The following PXDN variants were observed in gnomAD, a reference collection of about 807,000 sequenced individuals.
PXDN encodes peroxidasin homolog.
Under a neutral mutation model 140.3 loss-of-function variants are expected in PXDN, and 77 were observed. That is an observed-to-expected ratio of 0.55 (90% CI 0.46 to 0.66). The LOEUF is 0.66. Ranked by LOEUF, PXDN falls within the 30% of genes least tolerant of loss-of-function variation. The pLI is 0.00. For missense variants in PXDN, 1,838 were observed against 2,039.5 expected, an observed-to-expected ratio of 0.90 and a Z score of 1.90; for synonymous variants, 911 against 857.4, an observed-to-expected ratio of 1.06 and a Z score of -1.09.
intron 6 of PXDN, among the ~76,000 whole-genome samples, chr2:1,681,334 A>C (rs1433919900): frequency 1.3e-5 from 2 of 151,644 alleles, no homozygotes; most frequent in East Asian, 3.9e-4. Context: ...TTTGCCCAAT[A>C]AATCCCATTT....
Position 1,684,275 on chromosome 2 carries a change from CT to C in PXDN, c.417-125del, listed in dbSNP as rs1275146251. 18 of 716,748 alleles carry C rather than the reference CT, an allele frequency of 2.5e-5. No homozygotes were observed. In the African/African-American group the frequency reaches 3.2e-4, roughly 13 times the overall value. The allele number at this position is 716,748 out of a possible 1,614,324, so 44.4% of individuals were successfully genotyped here. ...ATCAATAGATAGCTCACTCACTAGA[CT>C]TCCTACATTGTATGAACAATACATA... is the stretch of plus-strand genomic sequence containing the variant. On this transcript the variant is annotated intron_variant, in intron 4 of 22. Transcript: ENST00000252804.
intron 1 of PXDN, among the ~76,000 whole-genome samples, chr2:1,717,514 A>C (rs1297743726): frequency 6.6e-6 from 1 of 152,180 alleles, no homozygotes; most frequent in Non-Finnish European, 1.5e-5. Context: ...ACAAAAGAAA[A>C]ACTTGCAACA....
Position 1,714,760 on chromosome 2 carries a change from A to G in PXDN, c.201-21626T>C, listed in dbSNP as rs1270328201. Among the ~76,000 whole-genome samples, 2 of 152,154 alleles carry G rather than the reference A, an allele frequency of 1.3e-5. No individual in the cohort carries two copies. The highest frequency in any genetic ancestry group is 1.3e-4 in the Admixed American group (2 of 15,270). ...ATTTACTCTTCTTTTGATTTTTTTCAGACATTTAGAAATGCAAAGTGCATA... is the reference window on the plus strand; with the variant it reads ...ATTTACTCTTCTTTTGATTTTTTTCGGACATTTAGAAATGCAAAGTGCATA... On this transcript the variant is annotated intron_variant, in intron 1 of 22. Transcript: ENST00000252804. This position sits in a 1 kb window ranked among gnomAD's most constrained non-coding sequence, Gnocchi z 4.3.
chr2:1,744,114 T>C, intron 1 of PXDN, 142 bp downstream of exon 1: 1 of 913,742 alleles, frequency 1.1e-6, no homozygotes, highest in Non-Finnish European at 1.5e-6. Context: ...GGAGGTTCCC[T>C]TCTGCGTCCC....
chr2:1,716,290 T>G (rs2125474754), intron 1 of PXDN, among the ~76,000 whole-genome samples: 1 of 151,770 alleles, frequency 6.6e-6, no homozygotes, highest in Admixed American at 6.6e-5. Context: ...ATACAAAAAT[T>G]AGCTGGGCAT....
At chr2:1,731,774 G>A (rs568474919) in intron 1 of PXDN, among the ~76,000 whole-genome samples, 1 of 152,294 alleles carries the variant, frequency 6.6e-6, no homozygotes, top group African/African-American at 2.4e-5. Flanking sequence ...ACATTTGCAC[G>A]GGGTTTTGTG....
chr2:1,647,959 G>A (rs1006473478), intron 17 of PXDN, among the ~76,000 whole-genome samples: 5 of 152,036 alleles, frequency 3.3e-5, no homozygotes, highest in African/African-American at 1.2e-4. Flanking sequence ...GCCCTCCACC[G>A]TCCATCCACC....
In PXDN at chr2:1,713,855, T is replaced by A. The variant is rs980310689; in HGVS notation, c.201-20721A>T. 2.0e-5 allele frequency among the ~76,000 whole-genome samples: 3 copies of A among 152,348 alleles called. No individual in the cohort carries two copies. The South Asian group carries it at 6.2e-4, about 32-fold the overall frequency. ...GTCCTGGGGTGTTCACTGACCCCATTTTTTTGGTATTGCTTAAAAAGAGAC... is the reference window on the plus strand; with the variant it reads ...GTCCTGGGGTGTTCACTGACCCCATATTTTTGGTATTGCTTAAAAAGAGAC... On this transcript the variant is annotated intron_variant, in intron 1 of 22. Transcript: ENST00000252804.
In PXDN at chr2:1,632,190, C is replaced by T. The variant is rs551699341; in HGVS notation, c.*2014G>A. On this transcript the variant is annotated 3_prime_UTR_variant, in exon 23 of 23. Transcript: ENST00000252804. The surrounding 1 kb of genome is among the most constrained non-coding windows in gnomAD (Gnocchi z 4.3). ...TTTGGTAAATCACAGTCAGCTTCCCCCTTTGGCTTAGACAACACAATTCCT... is the reference window on the plus strand; with the variant it reads ...TTTGGTAAATCACAGTCAGCTTCCCTCTTTGGCTTAGACAACACAATTCCT... 5 of 152,134 alleles carry T rather than the reference C, an allele frequency of 3.3e-5. No individual in the cohort carries two copies. The highest frequency in any genetic ancestry group is 2.6e-4 in the Admixed American group (4 of 15,266). 9.4% of individuals were successfully genotyped at this position (152,134 alleles called of 1,614,324 possible).
intron 6 of PXDN, among the ~76,000 whole-genome samples, chr2:1,681,197 T>A (rs898640209): frequency 2.0e-5 from 3 of 152,070 alleles, no homozygotes; most frequent in African/African-American, 7.2e-5. Flanking sequence ...TTTGTGCCAT[T>A]TGCGGCGGGG....
chr2:1,700,707 C>T (rs1369145314), intron 1 of PXDN, among the ~76,000 whole-genome samples: 1 of 151,948 alleles, frequency 6.6e-6, no homozygotes, highest in Non-Finnish European at 1.5e-5. Context: ...AACCCTGTCT[C>T]TACTAAAAAT....
intron 17 of PXDN, among the ~76,000 whole-genome samples, chr2:1,644,973 G>A (rs1193128671): frequency 6.6e-6 from 1 of 151,872 alleles, no homozygotes; most frequent in Non-Finnish European, 1.5e-5. Context: ...ACACACAAAC[G>A]CATTTATTAT....
chr2:1,697,803 A>G (rs1013798262), intron 1 of PXDN, among the ~76,000 whole-genome samples: 4 of 152,186 alleles, frequency 2.6e-5, no homozygotes, highest in Non-Finnish European at 5.9e-5. Flanking sequence ...CCACATGCCA[A>G]TGAGTGGACC....
At chr2:1,678,111 T>C (rs956940276) in intron 7 of PXDN, among the ~76,000 whole-genome samples, 2 of 152,112 alleles carry the variant, frequency 1.3e-5, no homozygotes, top group African/African-American at 2.4e-5. Flanking sequence ...GCCCTCCCTG[T>C]GCTCCCGTCA....
rs750394491 is a variant in PXDN at position 1,643,453 on chromosome 2, G to T, written c.3867C>A (p.Phe1289Leu). Residue 1289 changes from phenylalanine to leucine, a missense_variant, in exon 19 of 23, where the codon TTC becomes TTA. Around this residue, in one of 5 missense-constraint regions of PXDN, gnomAD observed 850 missense variants for 894.1 expected, o/e 0.95. Coordinates refer to ENST00000252804, the MANE Select transcript of PXDN (RefSeq NM_012293.3). ...DNITRVQSDV[F>L]RVAEFPHGYG... ...AGCCGTGAGGGAACTCCGCCACCCT[G>T]AACACGTCGCTCTGCACCCGGGTGA... The T allele has an allele frequency of 9.3e-6, 15 of 1,613,798 alleles. No individual in the cohort carries two copies. The South Asian group carries it at 1.6e-4, about 18-fold the overall frequency.
chr2:1,634,325 T>A lies in PXDN; in HGVS notation c.4321-2A>T. On this transcript the variant is annotated splice_acceptor_variant, in intron 22 of 22. Coordinates refer to ENST00000252804, the MANE Select transcript of PXDN (RefSeq NM_012293.3). LOFTEE classifies it high-confidence loss of function. ...CACGAAGCAGGTGACCTGCCCGTCCTGGAGAAGAGAGACGGAGCACAGCCT... is the reference window on the plus strand; with the variant it reads ...CACGAAGCAGGTGACCTGCCCGTCCAGGAGAAGAGAGACGGAGCACAGCCT... 6.3e-7 allele frequency: 1 copy of A among 1,577,650 alleles called. No homozygotes were observed. Among genetic ancestry groups the A allele is most frequent in the Non-Finnish European group, 8.6e-7 (1 of 1,161,168 alleles).
chr2:1,723,662 G>A (rs570890627), intron 1 of PXDN, among the ~76,000 whole-genome samples: 207 of 151,562 alleles, frequency 1.4e-3, no homozygotes, highest in African/African-American at 4.7e-3. Flanking sequence ...ATAGATGGAT[G>A]AATGAATGGA....
intron 1 of PXDN, among the ~76,000 whole-genome samples, chr2:1,725,686 A>T (rs1432858899): frequency 6.6e-6 from 1 of 152,254 alleles, no homozygotes; most frequent in Non-Finnish European, 1.5e-5. Context: ...CTTCTGACAA[A>T]GGGCTAATAT....
In PXDN at chr2:1,660,369, G is replaced by A. The variant is rs1683275296; in HGVS notation, c.1837+512C>T. On this transcript the variant is annotated intron_variant, in intron 14 of 22. Transcript: ENST00000252804. This position sits in a 1 kb window ranked among gnomAD's most constrained non-coding sequence, Gnocchi z 4.6. ...ACAGACAGATGCAGGCATGGAGTCA[G>A]GACGGCTCTAGGACCACCGACTGGA... Among the ~76,000 whole-genome samples the A allele has an allele frequency of 6.6e-6, 1 of 152,094 alleles. No individual in the cohort carries two copies. Among genetic ancestry groups the A allele is most frequent in the African/African-American group, 2.4e-5 (1 of 41,414 alleles).
Sources: allele counts gnomAD v4.1 joint callset (sites outside exome capture counted in the v4.1 genomes callset), GRCh38; gene constraint gnomAD v4.1.1; regional missense constraint gnomAD v4.1.1; non-coding constraint Gnocchi (gnomAD v3.1); transcripts MANE v1.5; gene names NCBI Gene and HGNC (gene_info 2026-07-23, HGNC 2026-07-21).